Variants in SEMA3A observed in about 807,000 individuals in gnomAD.
The protein encoded by SEMA3A is semaphorin-3A.
A neutral mutation model predicts 97.9 loss-of-function variants in SEMA3A; 29 were observed. That is an observed-to-expected ratio of 0.30 (90% CI 0.22 to 0.40). The LOEUF (loss-of-function observed/expected upper bound fraction) is 0.40. Among genes scored for constraint, SEMA3A ranks in the 10% least tolerant of loss-of-function variants. The pLI is 1.00. For missense variants in SEMA3A, 763 were observed against 951.3 expected (o/e 0.80, Z 2.60); for synonymous variants, 321 against 323.7 (o/e 0.99, Z 0.09).
chr7:84,382,081 C>T (rs927959480), intron 1 of SEMA3A, among the ~76,000 whole-genome samples: 12 of 151,986 alleles, frequency 7.9e-5, no homozygotes, highest in African/African-American at 2.9e-4. Flanking sequence ...TTTAAAGTGG[C>T]ACTTCTCCTT....
chr7:84,160,810 G>A (rs1295322448), intron 1 of SEMA3A, among the ~76,000 whole-genome samples: 1 of 151,890 alleles, frequency 6.6e-6, no homozygotes, highest in Non-Finnish European at 1.5e-5. Context: ...AACCCGGGAG[G>A]AGGAGGTTGC....
At chr7:84,313,455 A>AACCTTGATACAATCACTATT (rs972327752) in intron 2 of SEMA3A, among the ~76,000 whole-genome samples, 4 of 142,608 alleles carry the variant, frequency 2.8e-5, no homozygotes, top group African/African-American at 1.0e-4. Flanking sequence ...TACAGTTATG[A>AACCTTGATACAATCACTATT]ACCTTGATAC....
chr7:84,361,710 C>G (rs1346588589), intron 2 of SEMA3A, among the ~76,000 whole-genome samples: 2 of 151,894 alleles, frequency 1.3e-5, no homozygotes, highest in African/African-American at 4.8e-5. Context: ...GTACATTGAA[C>G]TAGGGGAATT....
At chr7:84,368,325 C>G (rs912146303) in intron 2 of SEMA3A, among the ~76,000 whole-genome samples, 2 of 150,840 alleles carry the variant, frequency 1.3e-5, no homozygotes, top group African/African-American at 4.8e-5. Context: ...GAAAGTGACC[C>G]GCATGTCACA....
chr7:84,131,488 T>C (rs1309090965), intron 2 of SEMA3A, among the ~76,000 whole-genome samples: 1 of 152,214 alleles, frequency 6.6e-6, no homozygotes, highest in Non-Finnish European at 1.5e-5. Flanking sequence ...ATTTATGCTT[T>C]AAAGAGATTG....
intron 1 of SEMA3A, among the ~76,000 whole-genome samples, chr7:84,411,289 C>G (rs1039819574): frequency 1.3e-5 from 2 of 151,864 alleles, no homozygotes; most frequent in African/African-American, 4.8e-5. Context: ...AACAAATAAC[C>G]ACATTAAGGG....
intron 1 of SEMA3A, among the ~76,000 whole-genome samples, chr7:84,137,777 G>A (rs10808306): frequency 0.81 from 122,233 of 151,148 alleles, 49,463 homozygotes; most frequent in East Asian, 0.93. Flanking sequence ...CATGTAAGAG[G>A]TACAAGAATG....
At chr7:84,427,079 C>T (rs77947093) in intron 1 of SEMA3A, among the ~76,000 whole-genome samples, 4,066 of 152,038 alleles carry the variant, frequency 0.027, 167 homozygotes, top group African/African-American at 0.09. Flanking sequence ...ATAATGTTAA[C>T]GCAATTCTGG....
At chr7:83,971,994 T>C (rs1283617341) in intron 15 of SEMA3A, among the ~76,000 whole-genome samples, 2 of 145,040 alleles carry the variant, frequency 1.4e-5, no homozygotes, top group African/African-American at 5.0e-5. Context: ...TCTGTGTGTG[T>C]GTGTGTGTGT....
chr7:83,990,175 T>C (rs776696846), intron 12 of SEMA3A, among the ~76,000 whole-genome samples: 1 of 151,942 alleles, frequency 6.6e-6, no homozygotes, highest in Middle Eastern at 3.4e-3. Flanking sequence ...GTTTGTTTTT[T>C]TCTTGTAAAT....
intron 4 of SEMA3A, among the ~76,000 whole-genome samples, chr7:84,106,533 G>C (rs1222494297): frequency 6.6e-6 from 1 of 152,106 alleles, no homozygotes; most frequent in Non-Finnish European, 1.5e-5. Flanking sequence ...ACGCATGACT[G>C]TATTGCTATT....
rs528662682 is a variant in SEMA3A at position 84,193,256 on chromosome 7, C to T, written c.112+1219G>A. The stretch of plus-strand genomic sequence containing the variant: ...CTAATTCAAAGTGTGAAAATTACAT[C>T]TCTCTTCTGATTTGAGATCCTCATT... On this transcript the variant is annotated intron_variant, in intron 1 of 16. Transcript: ENST00000265362. Among the ~76,000 whole-genome samples, 128 of 152,046 alleles carry T rather than the reference C, an allele frequency of 8.4e-4. 1 individual carries two copies. Among genetic ancestry groups the T allele is most frequent in the African/African-American group, 2.9e-3 (120 of 41,524 alleles).
At chr7:84,227,889 C>A (rs1159345603) in intron 3 of SEMA3A, among the ~76,000 whole-genome samples, 1 of 151,026 alleles carries the variant, frequency 6.6e-6, no homozygotes, top group Non-Finnish European at 1.5e-5. Context: ...TGATGTAAGT[C>A]TCTGTGTGTG....
At chr7:84,175,045 G>A (rs369618957) in intron 1 of SEMA3A, among the ~76,000 whole-genome samples, 1 of 151,954 alleles carries the variant, frequency 6.6e-6, no homozygotes, top group Non-Finnish European at 1.5e-5. Flanking sequence ...GCCTTTGAAC[G>A]AGAGTCTCTT....
chr7:84,052,194 T>A (rs1338792792), intron 5 of SEMA3A, among the ~76,000 whole-genome samples: 2 of 151,782 alleles, frequency 1.3e-5, no homozygotes, highest in African/African-American at 4.8e-5. Flanking sequence ...TGTCTCTGCC[T>A]GGCTTTGGTA....
chr7:84,172,960 A>G (rs1189516139), intron 1 of SEMA3A, among the ~76,000 whole-genome samples: 1 of 152,158 alleles, frequency 6.6e-6, no homozygotes, highest in African/African-American at 2.4e-5. Flanking sequence ...TACCTGGGAA[A>G]GTTTTGGGAA....
intron 1 of SEMA3A, among the ~76,000 whole-genome samples, chr7:84,174,394 A>G (rs1015896634): frequency 9.2e-5 from 14 of 152,202 alleles, no homozygotes; most frequent in African/African-American, 3.4e-4. Flanking sequence ...TAGGGTTTAA[A>G]TAGTGAAATG....
intron 1 of SEMA3A, among the ~76,000 whole-genome samples, chr7:84,484,332 G>T (rs1806520654): frequency 6.6e-6 from 1 of 151,588 alleles, no homozygotes; most frequent in Admixed American, 6.6e-5. Context: ...GAATAAAACA[G>T]GAAACAAATA....
rs376653819 is a variant in SEMA3A, at chr7:84,179,367, A to G, written c.112+15108T>C. ...GTTGTTTCTCAGATACACAGCATAC[A>G]TTAATGCCTCAAGTCTCCAGACAGT... On this transcript the variant is annotated intron_variant, in intron 1 of 16. Coordinates refer to ENST00000265362, the MANE Select transcript of SEMA3A (RefSeq NM_006080.3). Among the ~76,000 whole-genome samples, 14 of 152,330 alleles carry G rather than the reference A, an allele frequency of 9.2e-5. No individual in the cohort carries two copies. In the East Asian group the frequency reaches 1.5e-3, roughly 17 times the overall value.
Sources: allele counts gnomAD v4.1 joint callset (sites outside exome capture counted in the v4.1 genomes callset), GRCh38; gene constraint gnomAD v4.1.1; transcripts MANE v1.5; gene names NCBI Gene and HGNC (gene_info 2026-07-23, HGNC 2026-07-21).